PDE7B: variants seen among roughly 807,000 people sequenced by gnomAD.
PDE7B encodes 3',5'-cyclic-AMP phosphodiesterase 7B.
PDE7B carries 29 observed loss-of-function variants against 56.2 expected under a neutral mutation model. The ratio of observed to expected loss-of-function variants is 0.52; its 90% CI spans 0.38 to 0.70. The LOEUF is 0.70. PDE7B is among the 30% of genes least tolerant of loss of function. The pLI is 0.00. For missense variants in PDE7B, 490 were observed against 565.0 expected, an observed-to-expected ratio of 0.87 and a Z score of 1.35; for synonymous variants, 197 against 196.9, an observed-to-expected ratio of 1.00 and a Z score of 0.00.
chr6:136,167,452 G>T (rs1778812542), intron 8 of PDE7B, among the ~76,000 whole-genome samples: 1 of 152,024 alleles, frequency 6.6e-6, no homozygotes, highest in Admixed American at 6.6e-5. Context: ...TCATAAAGGG[G>T]AGGTTTCCTG....
chr6:136,185,704 G>A (rs1230442104), intron 11 of PDE7B, among the ~76,000 whole-genome samples: 1 of 152,150 alleles, frequency 6.6e-6, no homozygotes, highest in East Asian at 1.9e-4. Flanking sequence ...GTTCAAGGGT[G>A]CAGTGAGCTA....
At chr6:136,120,976 G>A (rs933672134) in intron 3 of PDE7B, among the ~76,000 whole-genome samples, 1 of 152,114 alleles carries the variant, frequency 6.6e-6, no homozygotes, top group African/African-American at 2.4e-5. Flanking sequence ...TGAAAAACAA[G>A]AAAAATTATA....
chr6:136,117,214 G>GTT (rs1401626807), intron 3 of PDE7B: 4 of 152,022 alleles, frequency 2.6e-5, no homozygotes, highest in Non-Finnish European at 5.9e-5. Flanking sequence ...AGTAAATTAA[G>GTT]TTTTTTTTAC....
intron 2 of PDE7B, among the ~76,000 whole-genome samples, chr6:135,955,559 C>G (rs1252194751): frequency 6.6e-6 from 1 of 151,972 alleles, no homozygotes; most frequent in African/African-American, 2.4e-5. Flanking sequence ...TTATGAAGAG[C>G]CTTATAATAG....
intron 8 of PDE7B, chr6:136,155,971 G>A (rs572582871): frequency 1.0e-5 from 7 of 689,582 alleles, no homozygotes; most frequent in African/African-American, 8.8e-5. Flanking sequence ...TTTGAAAGAG[G>A]TTTGAGGAAT....
At chr6:136,169,264 G>A (rs1470467820) in intron 8 of PDE7B, among the ~76,000 whole-genome samples, 1 of 152,092 alleles carries the variant, frequency 6.6e-6, no homozygotes, top group Admixed American at 6.6e-5. Flanking sequence ...CCACCATGGT[G>A]CCCCTATTTC....
intron 2 of PDE7B, among the ~76,000 whole-genome samples, chr6:135,961,143 A>G (rs2128201410): frequency 6.6e-6 from 1 of 152,276 alleles, no homozygotes; most frequent in African/African-American, 2.4e-5. Context: ...GCCGATTACC[A>G]CTATAGTGTC....
intron 2 of PDE7B, among the ~76,000 whole-genome samples, chr6:136,100,185 T>C (rs1336571312): frequency 6.6e-6 from 1 of 152,230 alleles, no homozygotes; most frequent in East Asian, 1.9e-4. Flanking sequence ...AGCCTTGTAG[T>C]ATAGTTTGCA....
intron 1 of PDE7B, among the ~76,000 whole-genome samples, chr6:135,877,931 G>T (rs1024713949): frequency 9.2e-5 from 14 of 152,172 alleles, no homozygotes; most frequent in African/African-American, 3.1e-4. Flanking sequence ...TATCTGGGGA[G>T]TCATTGGTTG....
intron 8 of PDE7B, 57 bp from the exon 9 acceptor site, chr6:136,173,740 G>A (rs1289348379): frequency 2.6e-6 from 3 of 1,133,850 alleles, no homozygotes; most frequent in African/African-American, 3.0e-5. Flanking sequence ...TGTTCAGCAT[G>A]AAAGATCAGT....
intron 2 of PDE7B, among the ~76,000 whole-genome samples, chr6:135,966,232 C>T (rs1443120778): frequency 6.6e-6 from 1 of 152,072 alleles, no homozygotes; most frequent in Non-Finnish European, 1.5e-5. Flanking sequence ...GAATTCTTGC[C>T]GTACTTGATT....
chr6:136,084,444 G>GGAAA (rs1242617256), intron 2 of PDE7B, among the ~76,000 whole-genome samples: 1 of 152,096 alleles, frequency 6.6e-6, no homozygotes, highest in African/African-American at 2.4e-5. Context: ...ATGAAAGGAA[G>GGAAA]GAAAGAAAAG....
intron 3 of PDE7B, among the ~76,000 whole-genome samples, chr6:136,109,588 G>T (rs141144195): frequency 6.6e-6 from 1 of 152,108 alleles, no homozygotes; most frequent in Admixed American, 6.6e-5. Context: ...CTCTTCACCA[G>T]GGCAAAATCC....
intron 3 of PDE7B, among the ~76,000 whole-genome samples, chr6:136,125,436 C>T (rs1164891256): frequency 6.6e-6 from 1 of 151,852 alleles, no homozygotes; most frequent in East Asian, 1.9e-4. Flanking sequence ...TGGTGGTGCA[C>T]ACATGTAGTT....
intron 8 of PDE7B, among the ~76,000 whole-genome samples, chr6:136,168,945 T>C (rs749569694): frequency 2.6e-5 from 4 of 152,150 alleles, no homozygotes; most frequent in Non-Finnish European, 4.4e-5. Context: ...ATTTATCAGC[T>C]TGTAAATTTC....
chr6:136,178,774 G>A (rs1169630395), intron 9 of PDE7B, among the ~76,000 whole-genome samples: 1 of 152,138 alleles, frequency 6.6e-6, no homozygotes, highest in Non-Finnish European at 1.5e-5. Context: ...TGTTTTTCAA[G>A]GTTTCAATCA....
intron 11 of PDE7B, among the ~76,000 whole-genome samples, chr6:136,185,641 T>C (rs989638777): frequency 6.6e-6 from 1 of 151,976 alleles, no homozygotes; most frequent in African/African-American, 2.4e-5. Context: ...GGTACATGCC[T>C]GTAGTCCCAG....
In PDE7B at chr6:136,154,068, C is replaced by G. The variant is rs776695059; in HGVS notation, c.479-7C>G. 1.4e-5 allele frequency: 23 copies of G among 1,600,182 alleles called. No individual in the cohort carries two copies. Among genetic ancestry groups the G allele is most frequent in the Non-Finnish European group, 1.8e-5 (21 of 1,167,660 alleles). On this transcript the variant is annotated splice_region_variant and splice_polypyrimidine_tract_variant and intron_variant, in intron 6 of 12. Coordinates refer to ENST00000308191, the MANE Select transcript of PDE7B (RefSeq NM_018945.4). ...TTAGTTGATTGAGTTATCTGTTTAC[C>G]TCCCAGTCATGGTTCAAGAAGATTA...
intron 2 of PDE7B, among the ~76,000 whole-genome samples, chr6:135,965,165 A>G (rs886334750): frequency 1.3e-5 from 2 of 152,268 alleles, no homozygotes; most frequent in Non-Finnish European, 2.9e-5. Context: ...TGAATAAATG[A>G]ATAAGACATT....
Sources: allele counts gnomAD v4.1 joint callset (sites outside exome capture counted in the v4.1 genomes callset), GRCh38; gene constraint gnomAD v4.1.1; transcripts MANE v1.5; gene names NCBI Gene and HGNC (gene_info 2026-07-23, HGNC 2026-07-21).